DPP3: variants seen among roughly 807,000 people sequenced by gnomAD.
DPP3 encodes the protein dipeptidyl peptidase 3, also known as DPP III.
A neutral mutation model predicts 89.8 loss-of-function variants in DPP3; 64 were observed. The ratio of observed to expected loss-of-function variants is 0.71; its 90% CI spans 0.58 to 0.88. The LOEUF (loss-of-function observed/expected upper bound fraction) is 0.88. DPP3 is among the 40% of genes least tolerant of loss of function. The pLI is 0.00. For synonymous variants in DPP3, 377 were observed against 404.3 expected (o/e 0.93, Z 0.81); for missense variants, 835 against 972.5 (o/e 0.86, Z 1.88).
intron 2 of DPP3, 45 bp from the exon 3 acceptor site, chr11:66,485,128 G>C: frequency 1.3e-6 from 2 of 1,580,706 alleles, no homozygotes; most frequent in Middle Eastern, 1.7e-4. Flanking sequence ...GCTGGGGTCA[G>C]GGAGGCTGTG....
intron 6 of DPP3, among the ~76,000 whole-genome samples, chr11:66,489,958 C>T (rs1238283674): frequency 1.3e-5 from 2 of 152,176 alleles, no homozygotes; most frequent in Non-Finnish European, 2.9e-5. Context: ...GTCCCTGCTG[C>T]TGAAGTCACA....
intron 15 of DPP3, 90 bp from the exon 16 acceptor site, chr11:66,497,189 CAACTGGGACCAAGGACCAA>C: frequency 7.2e-7 from 1 of 1,381,678 alleles, no homozygotes; most frequent in Non-Finnish European, 9.8e-7. Flanking sequence ...AGTTAATGGG[CAACTGGGACCAAGGACCAA>C]GCCTGGGACC....
chr11:66,488,105 C>T, intron 6 of DPP3, 98 bp downstream of exon 6: 2 of 1,022,620 alleles, frequency 2.0e-6, no homozygotes, highest in South Asian at 1.6e-5. Context: ...TCAGAAAGAG[C>T]ATCCTTCTCT....
chr11:66,481,351 A>G (rs1286635286), intron 1 of DPP3, among the ~76,000 whole-genome samples: 1 of 152,156 alleles, frequency 6.6e-6, no homozygotes, highest in Non-Finnish European at 1.5e-5. Context: ...TTAGCTGGGC[A>G]TGGTGATGCA....
Position 66,499,116 on chromosome 11 carries a change from A to G in DPP3, c.1878+1639A>G, listed in dbSNP as rs181682355. 2.0e-4 allele frequency among the ~76,000 whole-genome samples: 30 copies of G among 152,170 alleles called. 1 individual carries two copies. In the East Asian group the frequency reaches 5.8e-3, roughly 29 times the overall value. ...GGTGGCTCACGCCTGTAATCCCGGCACTCTGGGAGGCCGAGGCGGGTGGAT... is the reference window on the plus strand; with the variant it reads ...GGTGGCTCACGCCTGTAATCCCGGCGCTCTGGGAGGCCGAGGCGGGTGGAT... On this transcript the variant is annotated intron_variant, in intron 16 of 17. Transcript: ENST00000531863.
rs781119628 is a variant in DPP3 at position 66,497,467 on chromosome 11, G to A, written c.1868G>A (p.Arg623Gln). 8 of 1,613,074 alleles carry A rather than the reference G, an allele frequency of 5.0e-6. No individual in the cohort carries two copies. Among genetic ancestry groups the A allele is most frequent in the East Asian group, 2.2e-5 (1 of 44,880 alleles). ...VGKPALERFL[R>Q]RLQVLKSTGD... is the part of the protein sequence containing the mutation. The stretch of plus-strand genomic sequence containing the variant: ...AAGCCTGCTCTAGAGCGCTTCCTGC[G>A]GAGACTTCAGGTAAGCAAAGGCCTC... Residue 623 changes from arginine to glutamine, a missense_variant, in exon 16 of 18, where the codon CGG becomes CAG. Arg to Gln is a conservative substitution (Grantham distance 43). Coordinates refer to ENST00000531863, the MANE Select transcript of DPP3 (RefSeq NM_130443.4).
intron 12 of DPP3, 150 bp downstream of exon 12, chr11:66,493,783 T>C: frequency 1.3e-6 from 1 of 779,440 alleles, no homozygotes. Context: ...GAAGACCCTG[T>C]CTTGCCCTCC....
At chr11:66,492,067 G>A (rs1221865978) in intron 9 of DPP3, among the ~76,000 whole-genome samples, 2 of 152,216 alleles carry the variant, frequency 1.3e-5, no homozygotes, top group African/African-American at 4.8e-5. Flanking sequence ...TGCCTCTGGT[G>A]TCTGGTCAGG....
At chr11:66,504,107 C>T (rs1360058217) in intron 16 of DPP3, among the ~76,000 whole-genome samples, 1 of 152,070 alleles carries the variant, frequency 6.6e-6, no homozygotes, top group Admixed American at 6.6e-5. Context: ...GGCATGAAGC[C>T]TGTTTTCCTT....
intron 16 of DPP3, among the ~76,000 whole-genome samples, chr11:66,501,594 G>A (rs927946003): frequency 3.4e-5 from 5 of 149,162 alleles, no homozygotes; most frequent in Non-Finnish European, 7.5e-5. Context: ...GGAGGCTGAG[G>A]CGGGAGGATC....
At chr11:66,485,884 T>C (rs1473061235) in intron 3 of DPP3, among the ~76,000 whole-genome samples, 3 of 152,066 alleles carry the variant, frequency 2.0e-5, no homozygotes, top group Non-Finnish European at 2.9e-5. Context: ...TAGTTGGGAA[T>C]ATGGGTATGC....
At chr11:66,493,006 C>T in intron 10 of DPP3, 61 bp from the exon 11 acceptor site, 1 of 1,609,062 alleles carries the variant, frequency 6.2e-7, no homozygotes, top group South Asian at 1.1e-5. Context: ...CTGCTCTGTG[C>T]CTCTTGTCTG....
chr11:66,489,333 T>C (rs187068894), intron 6 of DPP3, among the ~76,000 whole-genome samples: 96 of 152,268 alleles, frequency 6.3e-4, no homozygotes, highest in Non-Finnish European at 1.1e-3. Context: ...CCTTCTTTCT[T>C]CCCATCGGCA....
intron 12 of DPP3, among the ~76,000 whole-genome samples, chr11:66,494,023 T>C (rs140956793): frequency 5.1e-4 from 78 of 152,240 alleles, no homozygotes; most frequent in African/African-American, 1.7e-3. Flanking sequence ...GGACAGACAC[T>C]TGGGGCAGGG....
Position 66,481,617 on chromosome 11 carries a change from C to G in DPP3, c.-8-576C>G, listed in dbSNP as rs555956232. ...TCTTAGCCTCTCTGAACCTCAGTTT[C>G]CCCATCTGTAATACTAGGTAGTTAG... On this transcript the variant is annotated intron_variant, in intron 1 of 17. Coordinates refer to ENST00000531863, the MANE Select transcript of DPP3 (RefSeq NM_130443.4). 1.8e-3 allele frequency among the ~76,000 whole-genome samples: 273 copies of G among 152,194 alleles called. 2 individuals are homozygous for G. Among genetic ancestry groups the G allele is most frequent in the African/African-American group, 6.3e-3 (262 of 41,526 alleles).
chr11:66,499,060 G>T (rs898200916), intron 16 of DPP3, among the ~76,000 whole-genome samples: 3 of 151,988 alleles, frequency 2.0e-5, no homozygotes, highest in Admixed American at 2.0e-4. Flanking sequence ...CCATAAAGAA[G>T]GTGTCAAGTC....
rs759104175 is a variant in DPP3, at chr11:66,480,449, C to T, written c.-25C>T. On this transcript the variant is annotated 5_prime_UTR_variant, in exon 1 of 18. In the 5' UTR this introduces an upstream ATG that the reference lacks. Transcript: ENST00000531863. ...CGGAAGCAGGAAGTGAGTTTGCGAA[C>T]GGAGCAGCTGCTGCAGGTGAGGCGC... The T allele has an allele frequency of 8.1e-6, 12 of 1,485,384 alleles. No individual in the cohort carries two copies. In the African/African-American group the frequency reaches 1.3e-4, roughly 16 times the overall value. 92.0% of individuals were successfully genotyped at this position (1,485,384 alleles called of 1,614,324 possible).
chr11:66,497,939 GTTTA>G (rs1249795037), intron 16 of DPP3, among the ~76,000 whole-genome samples: 1 of 151,566 alleles, frequency 6.6e-6, no homozygotes, highest in Admixed American at 6.6e-5. Flanking sequence ...TTATTTGTTT[GTTTA>G]TTTATTTATT....
intron 12 of DPP3, among the ~76,000 whole-genome samples, chr11:66,494,439 C>G (rs1855480007): frequency 6.6e-6 from 1 of 152,222 alleles, no homozygotes; most frequent in African/African-American, 2.4e-5. Flanking sequence ...GGCGAAACGC[C>G]TTGTCCAGAC....
Sources: allele counts gnomAD v4.1 joint callset (sites outside exome capture counted in the v4.1 genomes callset), GRCh38; gene constraint gnomAD v4.1.1; transcripts MANE v1.5; gene names NCBI Gene and HGNC (gene_info 2026-07-23, HGNC 2026-07-21).